Variants in DDX10 observed in about 807,000 individuals in gnomAD.
The protein encoded by DDX10 is probable ATP-dependent RNA helicase DDX10.
Under a neutral mutation model 104.3 loss-of-function variants are expected in DDX10, and 74 were observed. The ratio of observed to expected loss-of-function variants is 0.71; its 90% CI spans 0.59 to 0.86. The LOEUF is 0.86. DDX10 is among the 40% of genes least tolerant of loss of function. The pLI is 0.00. For synonymous variants in DDX10, 351 were observed against 353.4 expected, an observed-to-expected ratio of 0.99 and a Z score of 0.08; for missense variants, 952 against 1,040.0, an observed-to-expected ratio of 0.92 and a Z score of 1.16.
chr11:108,702,889 A>G (rs1002939549), intron 9 of DDX10, among the ~76,000 whole-genome samples: 10 of 152,198 alleles, frequency 6.6e-5, no homozygotes, highest in African/African-American at 2.2e-4. Flanking sequence ...ACTATTTTGT[A>G]TTGCTACTTC....
intron 17 of DDX10, among the ~76,000 whole-genome samples, chr11:108,932,110 C>T (rs1446167112): frequency 1.3e-5 from 2 of 151,942 alleles, no homozygotes; most frequent in African/African-American, 2.4e-5. Context: ...GAGGGATACT[C>T]ATCTCTGCCA....
chr11:108,874,001 A>G (rs568427110), intron 16 of DDX10, among the ~76,000 whole-genome samples: 9 of 152,276 alleles, frequency 5.9e-5, no homozygotes, highest in Admixed American at 1.3e-4. Context: ...GTAGCTACCT[A>G]CTTGACCTAA....
At chr11:108,935,376 T>C (rs1864023851) in intron 17 of DDX10, among the ~76,000 whole-genome samples, 1 of 152,184 alleles carries the variant, frequency 6.6e-6, no homozygotes, top group South Asian at 2.1e-4. Flanking sequence ...GGCAGGCTTA[T>C]ACCAGATCAT....
chr11:108,787,571 A>C (rs535662488), intron 13 of DDX10, among the ~76,000 whole-genome samples: 7 of 151,536 alleles, frequency 4.6e-5, no homozygotes, highest in Non-Finnish European at 8.8e-5. Flanking sequence ...GTCTGGGTTG[A>C]TTTGAGAAAT....
chr11:108,763,707 C>T (rs1390859273), intron 13 of DDX10, among the ~76,000 whole-genome samples: 1 of 152,082 alleles, frequency 6.6e-6, no homozygotes. Context: ...AATTGTGACT[C>T]ATTGGATAGT....
At chr11:108,708,162 T>C (rs906729431) in intron 10 of DDX10, among the ~76,000 whole-genome samples, 7 of 151,598 alleles carry the variant, frequency 4.6e-5, no homozygotes, top group Non-Finnish European at 8.8e-5. Flanking sequence ...TTTGTAGATA[T>C]TCTTTATCAA....
At chr11:108,797,551 C>T (rs1861962429) in intron 13 of DDX10, among the ~76,000 whole-genome samples, 1 of 152,152 alleles carries the variant, frequency 6.6e-6, no homozygotes, top group African/African-American at 2.4e-5. Flanking sequence ...GGAGATAGAG[C>T]TCTATTTAGT....
At chr11:108,774,366 A>G (rs1159515779) in intron 13 of DDX10, among the ~76,000 whole-genome samples, 1 of 152,196 alleles carries the variant, frequency 6.6e-6, no homozygotes, top group Non-Finnish European at 1.5e-5. Flanking sequence ...ACAGTATACC[A>G]TTTTGTTAAC....
At chr11:108,901,061 C>T (rs1477319122) in intron 16 of DDX10, among the ~76,000 whole-genome samples, 1 of 152,156 alleles carries the variant, frequency 6.6e-6, no homozygotes, top group Admixed American at 6.5e-5. Context: ...GTCCCAGTAC[C>T]AGATCTAGCC....
intron 10 of DDX10, 50 bp downstream of exon 10, chr11:108,706,887 A>G (rs2094276936): frequency 5.4e-6 from 8 of 1,488,788 alleles, no homozygotes; most frequent in Non-Finnish European, 7.5e-6. Flanking sequence ...AGGGCATGAA[A>G]TTGTTTGCTT....
rs981011692 is a variant in DDX10, at chr11:108,917,889, A to G, written c.2321A>G (p.Glu774Gly). The change falls in exon 17 of 18, where the codon GAA becomes GGA. Residue 774 changes from glutamate to glycine, a missense_variant. By Grantham distance (98) the Glu-to-Gly change is moderately conservative. Transcript: ENST00000322536. ...KRQAKAKDEE[E>G]AFLDWSDDDD... is the part of the protein sequence containing the mutation. ...ATTTTTTAGGCCAAAGATGAAGAGG[A>G]AGCCTTTCTGGATTGGAGTGATGAT... 1.9e-6 allele frequency: 3 copies of G among 1,611,636 alleles called. No individual in the cohort carries two copies. Among genetic ancestry groups the G allele is most frequent in the Non-Finnish European group, 1.7e-6 (2 of 1,179,864 alleles).
intron 16 of DDX10, among the ~76,000 whole-genome samples, chr11:108,904,207 T>G (rs1056633447): frequency 1.3e-5 from 2 of 152,060 alleles, no homozygotes; most frequent in African/African-American, 4.8e-5. Flanking sequence ...GCAGGGTGGT[T>G]TCAACAGAAG....
rs1395845584 is a variant in DDX10 at position 108,722,342 on chromosome 11, C to G, written c.1500-655C>G. 2.6e-5 allele frequency among the ~76,000 whole-genome samples: 4 copies of G among 152,142 alleles called. No homozygotes were observed. The East Asian group carries it at 7.7e-4, about 29-fold the overall frequency. Reference sequence around the variant, plus strand: ...ATTGAGAACTTAATGAAGCTATTAGCTTTGATCCAAGCTGGGAAAGACATG... The same window carrying G: ...ATTGAGAACTTAATGAAGCTATTAGGTTTGATCCAAGCTGGGAAAGACATG... On this transcript the variant is annotated intron_variant, in intron 12 of 17. Coordinates refer to ENST00000322536, the MANE Select transcript of DDX10 (RefSeq NM_004398.4).
chr11:108,744,227 G>A (rs528198059), intron 13 of DDX10, among the ~76,000 whole-genome samples: 4 of 152,252 alleles, frequency 2.6e-5, no homozygotes, highest in Admixed American at 6.5e-5. Flanking sequence ...GTCATAGGAA[G>A]CATTTCTTTG....
chr11:108,843,615 G>T (rs894696708), intron 15 of DDX10, among the ~76,000 whole-genome samples: 2 of 151,976 alleles, frequency 1.3e-5, no homozygotes, highest in African/African-American at 4.8e-5. Context: ...AATTAGCTGT[G>T]CATGGTGGCA....
chr11:108,775,972 T>A (rs1044497079), intron 13 of DDX10, among the ~76,000 whole-genome samples: 5 of 152,348 alleles, frequency 3.3e-5, no homozygotes, highest in African/African-American at 1.2e-4. Flanking sequence ...ATGTTGGACG[T>A]ATCAGTAGGT....
At chr11:108,932,257 T>G (rs1863984481) in intron 17 of DDX10, among the ~76,000 whole-genome samples, 1 of 152,008 alleles carries the variant, frequency 6.6e-6, no homozygotes, top group African/African-American at 2.4e-5. Context: ...CTTTCCTATT[T>G]AAAGTTTGTA....
At chr11:108,898,488 A>G (rs1863469759) in intron 16 of DDX10, among the ~76,000 whole-genome samples, 1 of 152,086 alleles carries the variant, frequency 6.6e-6, no homozygotes, top group Non-Finnish European at 1.5e-5. Flanking sequence ...GTAAAATAAG[A>G]TGAGAGGGAC....
chr11:108,910,301 C>A (rs1347864585), intron 16 of DDX10, among the ~76,000 whole-genome samples: 2 of 152,130 alleles, frequency 1.3e-5, no homozygotes, highest in African/African-American at 4.8e-5. Flanking sequence ...GTTTGTATGA[C>A]CTTGGTAAGT....
Sources: allele counts gnomAD v4.1 joint callset (sites outside exome capture counted in the v4.1 genomes callset), GRCh38; gene constraint gnomAD v4.1.1; transcripts MANE v1.5; gene names NCBI Gene and HGNC (gene_info 2026-07-23, HGNC 2026-07-21).